Variants in KIR3DL3 observed in about 807,000 individuals in gnomAD.
The protein encoded by KIR3DL3 is killer cell immunoglobulin-like receptor 3DL3.
KIR3DL3 carries 27 observed loss-of-function variants against 34.9 expected under a neutral mutation model. The ratio of observed to expected loss-of-function variants is 0.77; its 90% CI spans 0.57 to 1.07. KIR3DL3 has a LOEUF of 1.07. KIR3DL3 is among the 50% of genes least tolerant of loss of function. The probability of loss-of-function intolerance (pLI) is 0.00; values close to 1 mark genes in which losing one functional copy is unlikely to be tolerated. For missense variants in KIR3DL3, 681 were observed against 528.5 expected (o/e 1.29, Z -2.83); for synonymous variants, 217 against 200.2 (o/e 1.08, Z -0.71).
chr19:54,730,833 TG>T (rs1290020697), intron 5 of KIR3DL3, among the ~76,000 whole-genome samples: 3 of 152,180 alleles, frequency 2.0e-5, no homozygotes, highest in Non-Finnish European at 2.9e-5. Flanking sequence ...ATTCACCCAC[TG>T]ATGGGCAGGT....
In KIR3DL3 at chr19:54,725,163, G is replaced by C. The variant is rs1600157581; in HGVS notation, c.35-84G>C. On this transcript the variant is annotated intron_variant, in intron 1 of 7. Coordinates refer to ENST00000291860, the MANE Select transcript of KIR3DL3 (RefSeq NM_153443.5). The stretch of plus-strand genomic sequence containing the variant: ...GGCCTGGAGTGGAGATATGGGCCTA[G>C]AGGTGGAGATATGGGCCTGGAGTGG... 8.8e-6 allele frequency: 6 copies of C among 679,212 alleles called. 1 individual carries two copies. The highest frequency in any genetic ancestry group is 5.9e-5 in the Admixed American group (2 of 33,662). 42.1% of individuals were successfully genotyped at this position (679,212 alleles called of 1,614,324 possible).
chr19:54,732,740 G>C (rs1334029504), intron 5 of KIR3DL3, among the ~76,000 whole-genome samples: 1 of 152,070 alleles, frequency 6.6e-6, no homozygotes, highest in Admixed American at 6.6e-5. Context: ...AACATTCTTA[G>C]TTCAAGGAAG....
At chr19:54,728,851 T>G (rs1472266142) in intron 4 of KIR3DL3, among the ~76,000 whole-genome samples, 1 of 148,122 alleles carries the variant, frequency 6.8e-6, no homozygotes, top group Non-Finnish European at 1.5e-5. Flanking sequence ...GATGGACAGA[T>G]AGATATAGAT....
chr19:54,724,594 A>C, intron 1 of KIR3DL3, 64 bp downstream of exon 1: 1 of 1,597,328 alleles, frequency 6.3e-7, no homozygotes, highest in Non-Finnish European at 8.5e-7. Context: ...TGGAGTGGAG[A>C]TCTGGGCCTG....
chr19:54,729,493 G>A lies in KIR3DL3; in HGVS notation c.656G>A (p.Gly219Asp), dbSNP rs764066889. The change falls in exon 5 of 8, where the codon GGT becomes GAT. Residue 219 changes from glycine to aspartate, a missense_variant and splice_region_variant. Physicochemically the swap from Gly to Asp is moderately conservative, Grantham distance 94. Coordinates refer to ENST00000291860, the MANE Select transcript of KIR3DL3 (RefSeq NM_153443.5). ...AGGAAACCACCTCTTCTTCTTCCAG[G>A]TCTATATGGGAAACCTTCTCTCTCA... ...PSDPLDIVVV[G>D]LYGKPSLSAQ... is the part of the protein sequence containing the mutation. The A allele has an allele frequency of 1.7e-3, 2,737 of 1,597,890 alleles. 12 individuals carry two copies. The Middle Eastern group carries it at 0.022, about 13-fold the overall frequency.
At chr19:54,728,025 A>G (rs1364889844) in intron 4 of KIR3DL3, 115 bp downstream of exon 4, 3 of 1,077,038 alleles carry the variant, frequency 2.8e-6, no homozygotes, top group African/African-American at 1.6e-5. Context: ...ATGGAGAGAA[A>G]GTGACTTGGT....
At chr19:54,731,537 C>T (rs2068790530) in intron 5 of KIR3DL3, among the ~76,000 whole-genome samples, 1 of 151,666 alleles carries the variant, frequency 6.6e-6, no homozygotes, top group Non-Finnish European at 1.5e-5. Flanking sequence ...CTATTGTTGC[C>T]ATAACAAATT....
At chr19:54,729,151 T>G in intron 4 of KIR3DL3, among the ~76,000 whole-genome samples, 1 of 146,230 alleles carries the variant, frequency 6.8e-6, no homozygotes, top group Middle Eastern at 3.5e-3. Flanking sequence ...GATCAATAGA[T>G]AATAGATAGA....
chr19:54,729,110 GATAGATACATAC>G (rs2068514380), intron 4 of KIR3DL3, among the ~76,000 whole-genome samples: 1 of 148,796 alleles, frequency 6.7e-6, no homozygotes, highest in Non-Finnish European at 1.5e-5. Context: ...GATGATAGAT[GATAGATACATAC>G]ATAGATAAAT....
chr19:54,726,448 T>TA (rs2068197509), intron 3 of KIR3DL3, 111 bp downstream of exon 3: 1 of 1,363,556 alleles, frequency 7.3e-7, no homozygotes, highest in African/African-American at 1.5e-5. Flanking sequence ...GTATTTGGGG[T>TA]AAAGGGGGAT....
In KIR3DL3 at chr19:54,735,887, G is replaced by A. The variant is rs768868813; in HGVS notation, c.1107+15G>A. On this transcript the variant is annotated intron_variant, in intron 7 of 7. Transcript: ENST00000291860. ...TGAACAGGGAGGTAGGTGCTCCTCC[G>A]CCCAGCCTCGTGGCTAGTCTTATTC... The A allele has an allele frequency of 5.6e-6, 9 of 1,605,916 alleles. No individual in the cohort carries two copies. The highest frequency in any genetic ancestry group is 5.5e-5 in the African/African-American group (4 of 72,142).
intron 5 of KIR3DL3, 135 bp from the exon 6 acceptor site, chr19:54,735,118 C>G (rs1758037541): frequency 1.4e-6 from 1 of 737,302 alleles, no homozygotes; most frequent in Non-Finnish European, 2.4e-6. Flanking sequence ...CAGGAGGAAG[C>G]TAGGTCTCCC....
intron 4 of KIR3DL3, 100 bp downstream of exon 4, chr19:54,728,010 T>C: frequency 8.1e-7 from 1 of 1,230,786 alleles, no homozygotes; most frequent in Non-Finnish European, 1.1e-6. Context: ...GAGTGTGGGG[T>C]TCCTATGGAG....
At position 54,727,787 on chromosome 19, in the gene KIR3DL3, G is replaced by C; in HGVS notation, c.532G>C (p.Val178Leu). 2 of 1,613,688 alleles carry C rather than the reference G, an allele frequency of 1.2e-6. No homozygotes were observed. Among genetic ancestry groups the C allele is most frequent in the Non-Finnish European group, 1.7e-6 (2 of 1,179,934 alleles). Reference sequence around the variant, plus strand: ...ACAGCTCCACGATGCGGGTTCCCAGGTCAACTATTCCATGGGTCCCATGAC... The same window carrying C: ...ACAGCTCCACGATGCGGGTTCCCAGCTCAACTATTCCATGGGTCCCATGAC... Reference protein sequence around the residue: ...VGQLHDAGSQVNYSMGPMTPA... With the variant: ...VGQLHDAGSQLNYSMGPMTPA... The change falls in exon 4 of 8, where the codon GTC becomes CTC. Residue 178 changes from valine to leucine, a missense_variant. By Grantham distance (32) the Val-to-Leu change is conservative. Coordinates refer to ENST00000291860, the MANE Select transcript of KIR3DL3 (RefSeq NM_153443.5).
chr19:54,735,683 T>C (rs1404738027), intron 6 of KIR3DL3, 137 bp from the exon 7 acceptor site: 5 of 894,478 alleles, frequency 5.6e-6, no homozygotes, highest in Non-Finnish European at 8.7e-6. Context: ...CTCAGAGAGA[T>C]AGAATGTCTG....
intron 5 of KIR3DL3, among the ~76,000 whole-genome samples, chr19:54,733,512 G>A (rs1345489602): frequency 1.3e-5 from 2 of 151,916 alleles, no homozygotes; most frequent in Non-Finnish European, 2.9e-5. Context: ...GACACAGGGG[G>A]ACTCTGTCTC....
rs2068381389 is a variant in KIR3DL3 at position 54,727,913 on chromosome 19, G to T, written c.655+3G>T. ...CCCTCTGGACATCGTGGTCGTAGGT[G>T]AGAGAATACAGACCTGCCTCTCACC... On this transcript the variant is annotated splice_donor_region_variant and intron_variant, in intron 4 of 7. Coordinates refer to ENST00000291860, the MANE Select transcript of KIR3DL3 (RefSeq NM_153443.5). 3.1e-6 allele frequency: 5 copies of T among 1,604,774 alleles called. No homozygotes were observed. The highest frequency in any genetic ancestry group is 4.3e-6 in the Non-Finnish European group (5 of 1,174,296).
intron 4 of KIR3DL3, among the ~76,000 whole-genome samples, chr19:54,729,140 C>T (rs1373474996): frequency 6.8e-6 from 1 of 146,178 alleles, no homozygotes; most frequent in Non-Finnish European, 1.5e-5. Flanking sequence ...AATGATAGAT[C>T]GATCAATAGA....
chr19:54,729,650 G>A lies in KIR3DL3; in HGVS notation c.813G>A (p.Arg271=). 1 of 1,595,736 alleles carries A rather than the reference G, an allele frequency of 6.3e-7. No homozygotes were observed. The highest frequency in any genetic ancestry group is 1.4e-5 in the African/African-American group (1 of 71,876). The change falls in exon 5 of 8, where the codon AGG becomes AGA. Residue 271 remains arginine (R), a synonymous_variant. Transcript: ENST00000291860. ...AGELRLTAVL[R]VNGTFQANFP... is the part of the protein sequence containing the mutation. ...AACTTAGGCTCACTGCAGTGCTGAGGGTCAATGGAACATTCCAGGCCAACT... is the reference window on the plus strand; with the variant it reads ...AACTTAGGCTCACTGCAGTGCTGAGAGTCAATGGAACATTCCAGGCCAACT...
Sources: gnomAD v4.1 joint callset for allele counts (sites outside exome capture counted in the v4.1 genomes callset) on GRCh38, gnomAD v4.1.1 for gene constraint, MANE v1.5 for transcripts, NCBI Gene and HGNC (gene_info 2026-07-23, HGNC 2026-07-21) for gene names.